CDH23: variants seen among roughly 807,000 people sequenced by gnomAD.
CDH23 encodes cadherin-23.
A neutral mutation model predicts 317.1 loss-of-function variants in CDH23; 189 were observed. That is an observed-to-expected ratio of 0.60 (90% CI 0.53 to 0.67). The LOEUF (loss-of-function observed/expected upper bound fraction) is 0.67, where lower values mean the gene tolerates loss of function less well. Ranked by LOEUF, CDH23 falls within the 30% of genes least tolerant of loss-of-function variation. The pLI, the probability that CDH23 is intolerant of heterozygous loss-of-function variation, is 0.00. For synonymous variants in CDH23, 1,839 were observed against 1,876.8 expected (o/e 0.98, Z 0.52); for missense variants, 4,401 against 4,592.4 (o/e 0.96, Z 1.20).
chr10:71,608,506 A>G (rs1169473822), intron 9 of CDH23, among the ~76,000 whole-genome samples: 1 of 152,176 alleles, frequency 6.6e-6, no homozygotes, highest in Non-Finnish European at 1.5e-5. Context: ...TGCGGCCCCA[A>G]CACAGGACTA....
chr10:71,786,622 C>G (rs1159740349), intron 44 of CDH23, among the ~76,000 whole-genome samples: 1 of 151,670 alleles, frequency 6.6e-6, no homozygotes, highest in African/African-American at 2.4e-5. Flanking sequence ...CTCAGTCTCC[C>G]GAGTAGCTAG....
At chr10:71,746,410 G>A (rs908201722) in intron 38 of CDH23, among the ~76,000 whole-genome samples, 2 of 152,194 alleles carry the variant, frequency 1.3e-5, no homozygotes, top group Non-Finnish European at 2.9e-5. Context: ...ACCCCCATCC[G>A]GCCTCAGCCC....
At chr10:71,680,831 T>TC (rs1375838661) in intron 17 of CDH23, among the ~76,000 whole-genome samples, 2 of 129,544 alleles carry the variant, frequency 1.5e-5, no homozygotes, top group Non-Finnish European at 3.3e-5. Flanking sequence ...TTCTTTTTCT[T>TC]TTTTTTTTTT....
At chr10:71,641,825 TC>T (rs1237445823) in intron 11 of CDH23, among the ~76,000 whole-genome samples, 1 of 152,178 alleles carries the variant, frequency 6.6e-6, no homozygotes, top group East Asian at 1.9e-4. Context: ...ATGCCTGTAA[TC>T]CCAGCATTTT....
At chr10:71,630,487 G>T (rs1303940030) in intron 11 of CDH23, among the ~76,000 whole-genome samples, 2 of 152,184 alleles carry the variant, frequency 1.3e-5, no homozygotes, top group East Asian at 3.8e-4. Flanking sequence ...GAGTCAATGG[G>T]ATTTGCCAAT....
chr10:71,530,951 A>G (rs997499119), intron 6 of CDH23, among the ~76,000 whole-genome samples: 3 of 152,242 alleles, frequency 2.0e-5, no homozygotes, highest in Admixed American at 1.3e-4. Flanking sequence ...CAGAATATGC[A>G]TGATACATAG....
chr10:71,570,657 G>GGT (rs1018377185), intron 7 of CDH23, 133 bp from the exon 8 acceptor site: 67 of 942,566 alleles, frequency 7.1e-5, no homozygotes, highest in Non-Finnish European at 9.2e-5. Flanking sequence ...CAAGAGCATG[G>GGT]GTGTGTGTGT....
chr10:71,813,000 C>T, intron 68 of CDH23, 110 bp downstream of exon 68: 2 of 1,511,164 alleles, frequency 1.3e-6, no homozygotes, highest in Non-Finnish European at 1.8e-6. Flanking sequence ...CCACCCTCCA[C>T]TGGGGCGAGA....
chr10:71,513,926 G>A (rs1854132019), intron 6 of CDH23, among the ~76,000 whole-genome samples: 1 of 152,032 alleles, frequency 6.6e-6, no homozygotes, highest in Non-Finnish European at 1.5e-5. Flanking sequence ...GCCATCTAGG[G>A]CCCTAATAAT....
At chr10:71,492,101 C>G (rs74148320) in intron 3 of CDH23, among the ~76,000 whole-genome samples, 1 of 152,140 alleles carries the variant, frequency 6.6e-6, no homozygotes, top group African/African-American at 2.4e-5. Flanking sequence ...TGAAATTACT[C>G]GATGTTCAGG....
chr10:71,644,373 T>C (rs1175618134), intron 12 of CDH23, among the ~76,000 whole-genome samples: 2 of 152,236 alleles, frequency 1.3e-5, no homozygotes, highest in Non-Finnish European at 2.9e-5. Flanking sequence ...TATTTGCCAG[T>C]TTGCTAAAAT....
rs181843079 is a variant in CDH23 at position 71,709,133 on chromosome 10, C to T, written c.3142C>T (p.Arg1048Cys). Reference sequence around the variant, plus strand: ...GGATGGGAAGTTCAGCGTGGGTTACCGCGATGCCGTTGTGAGAACCGTGGT... The same window carrying T: ...GGATGGGAAGTTCAGCGTGGGTTACTGCGATGCCGTTGTGAGAACCGTGGT... The part of the protein sequence containing the change: ...NVDGKFSVGY[R>C]DAVVRTVVGL... The change falls in exon 27 of 70, where the codon CGC becomes TGC. Residue 1048 changes from arginine to cysteine, a missense_variant. Coordinates refer to ENST00000224721, the MANE Select transcript of CDH23 (RefSeq NM_022124.6). 218 of 1,613,940 alleles carry T rather than the reference C, an allele frequency of 1.4e-4. 1 individual carries two copies. The highest frequency in any genetic ancestry group is 1.7e-4 in the Non-Finnish European group (206 of 1,179,894).
rs571668370 is a variant in CDH23, at chr10:71,734,314, C to T, written c.4179C>T (p.Asp1393=). The change falls in exon 33 of 70, where the codon GAC becomes GAT. Residue 1393 remains aspartate (D), a synonymous_variant. Transcript: ENST00000224721. The stretch of plus-strand genomic sequence containing the variant: ...ATACCTTGACAGTGGTGGCAGATGA[C>T]GGCGGCCCCAAGGTGGACTCCACCG... The part of the protein sequence containing the change: ...DFYTLTVVAD[D]GGPKVDSTVK... The T allele has an allele frequency of 7.4e-6, 12 of 1,611,258 alleles. No homozygotes were observed. Among genetic ancestry groups the T allele is most frequent in the South Asian group, 3.3e-5 (3 of 90,440 alleles).
At chr10:71,773,791 C>G (rs1840749445) in intron 38 of CDH23, among the ~76,000 whole-genome samples, 1 of 152,178 alleles carries the variant, frequency 6.6e-6, no homozygotes, top group Admixed American at 6.5e-5. Context: ...AGAAGTAGAT[C>G]TACCTCTAAC....
At chr10:71,627,092 A>G (rs915612757) in intron 11 of CDH23, among the ~76,000 whole-genome samples, 2 of 152,128 alleles carry the variant, frequency 1.3e-5, no homozygotes, top group African/African-American at 4.8e-5. Context: ...CACAGCTGGT[A>G]CCTGGGATTC....
intron 1 of CDH23, among the ~76,000 whole-genome samples, chr10:71,427,691 G>A (rs1206506860): frequency 6.6e-6 from 1 of 151,444 alleles, no homozygotes; most frequent in Admixed American, 6.6e-5. Flanking sequence ...AATTCCTGGA[G>A]CATAGGGTAA....
At chr10:71,437,952 G>A (rs1849690625) in intron 1 of CDH23, among the ~76,000 whole-genome samples, 1 of 152,176 alleles carries the variant, frequency 6.6e-6, no homozygotes, top group African/African-American at 2.4e-5. Flanking sequence ...CCCTGTGATA[G>A]GCTGTTAATA....
At chr10:71,490,028 GT>G (rs1852569079) in intron 3 of CDH23, among the ~76,000 whole-genome samples, 1 of 151,782 alleles carries the variant, frequency 6.6e-6, no homozygotes. Flanking sequence ...CTTGAGGGGG[GT>G]GTTTCCTATT....
intron 26 of CDH23, chr10:71,707,374 C>T (rs1053554655): frequency 8.4e-5 from 114 of 1,361,404 alleles, no homozygotes; most frequent in Non-Finnish European, 1.0e-4. Context: ...CCCCACTCCC[C>T]GCCCCAAGTC....
Sources: gnomAD v4.1 joint callset for allele counts (sites outside exome capture counted in the v4.1 genomes callset) on GRCh38, gnomAD v4.1.1 for gene constraint, MANE v1.5 for transcripts, NCBI Gene and HGNC (gene_info 2026-07-23, HGNC 2026-07-21) for gene names.